The following TRIO variants were observed in gnomAD, a reference collection of about 807,000 sequenced individuals.
TRIO encodes triple functional domain protein.
A neutral mutation model predicts 351.9 loss-of-function variants in TRIO; 58 were observed. The ratio of observed to expected loss-of-function variants is 0.16; its 90% CI spans 0.13 to 0.21. The LOEUF (loss-of-function observed/expected upper bound fraction) is 0.21, where lower values mean the gene tolerates loss of function less well. Among genes scored for constraint, TRIO ranks in the 10% least tolerant of loss-of-function variants. The pLI is 1.00. For missense variants in TRIO, 3,201 were observed against 4,027.8 expected (o/e 0.79, Z 5.56); for synonymous variants, 1,758 against 1,595.7 (o/e 1.10, Z -2.42).
chr5:14,494,300 G>A (rs1177838481), intron 49 of TRIO, among the ~76,000 whole-genome samples: 1 of 152,156 alleles, frequency 6.6e-6, no homozygotes, highest in Admixed American at 6.5e-5. Flanking sequence ...TGCCTGCTGT[G>A]GTAGAGGCAT....
At chr5:14,406,086 A>G in intron 32 of TRIO, 96 bp downstream of exon 32, 10 of 1,485,648 alleles carry the variant, frequency 6.7e-6, no homozygotes, top group Non-Finnish European at 9.0e-6. Context: ...TCTCTCAAAC[A>G]TTTTGAGGAA....
At chr5:14,441,545 G>A (rs1221605074) in intron 34 of TRIO, among the ~76,000 whole-genome samples, 6 of 152,148 alleles carry the variant, frequency 3.9e-5, no homozygotes, top group Admixed American at 1.3e-4. Context: ...TTATGGGGGG[G>A]CCACTGGGAA....
chr5:14,288,200 T>C (rs980773348), intron 4 of TRIO, among the ~76,000 whole-genome samples: 1 of 152,204 alleles, frequency 6.6e-6, no homozygotes, highest in Non-Finnish European at 1.5e-5. Context: ...TGTATTTAAT[T>C]ATAAGTGTTT....
At chr5:14,464,650 A>G (rs27098) in intron 36 of TRIO, among the ~76,000 whole-genome samples, 2 of 151,986 alleles carry the variant, frequency 1.3e-5, no homozygotes, top group African/African-American at 4.8e-5. Flanking sequence ...GCATATTTTG[A>G]CCCACACGTG....
intron 1 of TRIO, among the ~76,000 whole-genome samples, chr5:14,267,115 G>C (rs962624255): frequency 1.3e-5 from 2 of 152,052 alleles, no homozygotes; most frequent in African/African-American, 4.8e-5. Context: ...TCAAAAAGTG[G>C]GTACAACTAA....
At chr5:14,321,551 A>G (rs532178007) in intron 9 of TRIO, among the ~76,000 whole-genome samples, 6 of 152,100 alleles carry the variant, frequency 3.9e-5, no homozygotes, top group Non-Finnish European at 8.8e-5. Context: ...AACTTTACCC[A>G]TTTCACCTCA....
chr5:14,460,625 T>C (rs1579721909), intron 34 of TRIO, among the ~76,000 whole-genome samples: 2 of 152,380 alleles, frequency 1.3e-5, no homozygotes, highest in African/African-American at 4.8e-5. Context: ...CATTCTTCTT[T>C]CTTGGTTTTT....
intron 33 of TRIO, among the ~76,000 whole-genome samples, chr5:14,415,783 T>G (rs1749594056): frequency 6.6e-6 from 1 of 152,138 alleles, no homozygotes; most frequent in Non-Finnish European, 1.5e-5. Flanking sequence ...GGGACTTGGG[T>G]GTAGTCTTTG....
chr5:14,358,523 C>T (rs1377635106), intron 12 of TRIO, among the ~76,000 whole-genome samples, 176 bp downstream of exon 12: 1 of 129,694 alleles, frequency 7.7e-6, no homozygotes, highest in Non-Finnish European at 1.6e-5. Flanking sequence ...TTTTCCTTTC[C>T]CCTCCCTTCT....
At chr5:14,152,129 T>G (rs1390168500) in intron 1 of TRIO, among the ~76,000 whole-genome samples, 1 of 152,214 alleles carries the variant, frequency 6.6e-6, no homozygotes, top group African/African-American at 2.4e-5. Flanking sequence ...GACATCTAAA[T>G]AACTGGAATA....
chr5:14,384,844 A>G (rs1358534129), intron 21 of TRIO, among the ~76,000 whole-genome samples: 2 of 150,648 alleles, frequency 1.3e-5, no homozygotes, highest in African/African-American at 4.9e-5. Flanking sequence ...TAAAAATGAA[A>G]TAGAGAAGAT....
intron 4 of TRIO, among the ~76,000 whole-genome samples, chr5:14,289,482 A>G (rs1208231730): frequency 2.6e-5 from 4 of 152,122 alleles, no homozygotes; most frequent in African/African-American, 9.7e-5. Context: ...GAGCCCAGGA[A>G]TTTAAGCTTA....
chr5:14,369,545 A>T (rs762824968), intron 18 of TRIO, 22 bp downstream of exon 18: 1 of 1,603,372 alleles, frequency 6.2e-7, no homozygotes, highest in East Asian at 2.2e-5. Context: ...GCTGCGGGAC[A>T]GTGCACCCAT....
chr5:14,311,071 A>T (rs544285398), intron 8 of TRIO, among the ~76,000 whole-genome samples: 1 of 152,338 alleles, frequency 6.6e-6, no homozygotes, highest in East Asian at 1.9e-4. Flanking sequence ...AGCATCTGCC[A>T]TAGTATCAGA....
At chr5:14,145,396 C>T (rs1158341452) in intron 1 of TRIO, among the ~76,000 whole-genome samples, 1 of 152,092 alleles carries the variant, frequency 6.6e-6, no homozygotes, top group Non-Finnish European at 1.5e-5. Context: ...CCAGTGTTAG[C>T]TTGGGGTTAA....
At chr5:14,464,188 C>T (rs1028237217) in intron 36 of TRIO, among the ~76,000 whole-genome samples, 2 of 152,166 alleles carry the variant, frequency 1.3e-5, no homozygotes, top group Non-Finnish European at 2.9e-5. Flanking sequence ...TGTGATATTT[C>T]CTAAGCTATT....
At chr5:14,222,617 T>G (rs1469194183) in intron 1 of TRIO, among the ~76,000 whole-genome samples, 3 of 152,224 alleles carry the variant, frequency 2.0e-5, no homozygotes, top group African/African-American at 7.2e-5. Flanking sequence ...TTTCTCAGTA[T>G]CTTTGGGGCG....
chr5:14,471,330 C>T lies in TRIO; in HGVS notation c.5776C>T (p.Arg1926Cys), dbSNP rs1006559556. The change falls in exon 38 of 57, where the codon CGC (arginine) becomes TGC (cysteine). Residue 1926 changes from arginine to cysteine, a missense_variant. Coordinates refer to ENST00000344204, the MANE Select transcript of TRIO (RefSeq NM_007118.4). Reference sequence around the variant, plus strand: ...CAATTTCTTCCAGGCACTGGAGGATCGCCCCAGCTCACTCCTTGTTGACCA... The same window carrying T: ...CAATTTCTTCCAGGCACTGGAGGATTGCCCCAGCTCACTCCTTGTTGACCA... ...LVKSKMALED[R>C]PSSLLVDQGD... 2 of 1,613,696 alleles carry T rather than the reference C, an allele frequency of 1.2e-6. No individual in the cohort carries two copies. The highest frequency in any genetic ancestry group is 1.1e-5 in the South Asian group (1 of 90,946).
Position 14,253,302 on chromosome 5 carries a change from C to T in TRIO, c.158-17523C>T, listed in dbSNP as rs1011571810. On this transcript the variant is annotated intron_variant, in intron 1 of 56. Transcript: ENST00000344204. ...CATACTTTACTAGTACAGAATAGTA[C>T]GTGTGTAATTTAGGATTGAAGGTAT... 3.9e-5 allele frequency among the ~76,000 whole-genome samples: 6 copies of T among 152,124 alleles called. 1 individual carries two copies. The highest frequency in any genetic ancestry group is 8.8e-5 in the Non-Finnish European group (6 of 68,016).
Sources: gnomAD v4.1 joint callset for allele counts (sites outside exome capture counted in the v4.1 genomes callset) on GRCh38, gnomAD v4.1.1 for gene constraint, MANE v1.5 for transcripts, NCBI Gene and HGNC (gene_info 2026-07-23, HGNC 2026-07-21) for gene names.